The following SLC24A2 variants were observed in gnomAD, a reference collection of about 807,000 sequenced individuals.
The protein encoded by SLC24A2 is solute carrier family 24 member 2.
A neutral mutation model predicts 62.0 loss-of-function variants in SLC24A2; 36 were observed. The ratio of observed to expected loss-of-function variants is 0.58; its 90% CI spans 0.44 to 0.77. The LOEUF is 0.77. Among genes scored for constraint, SLC24A2 ranks in the 30% least tolerant of loss-of-function variants. The pLI, the probability that SLC24A2 is intolerant of heterozygous loss-of-function variation, is 0.00. For missense variants in SLC24A2, 846 were observed against 817.9 expected (o/e 1.03, Z -0.42); for synonymous variants, 358 against 294.0 (o/e 1.22, Z -2.23).
chr9:20,227,110 C>T, the SLC24A2 span, among the ~76,000 whole-genome samples: 222 of 152,194 alleles, frequency 1.5e-3, 8 homozygotes, highest in East Asian at 0.041. Flanking sequence ...TTTATGCTCT[C>T]GTTGGCTCTG....
intron 2 of SLC24A2, among the ~76,000 whole-genome samples, chr9:19,709,723 G>A (rs1325847020): frequency 1.1e-4 from 15 of 141,936 alleles, no homozygotes; most frequent in African/African-American, 3.7e-4. Flanking sequence ...GACACAGGAA[G>A]GGGAAATCAC....
At chr9:19,532,446 A>T (rs1833755018) in intron 8 of SLC24A2, among the ~76,000 whole-genome samples, 1 of 152,160 alleles carries the variant, frequency 6.6e-6, no homozygotes, top group South Asian at 2.1e-4. Flanking sequence ...ATAGAATGTA[A>T]ATGCTATGTA....
At chr9:19,873,749 C>A in the SLC24A2 span, among the ~76,000 whole-genome samples, 2 of 152,076 alleles carry the variant, frequency 1.3e-5, no homozygotes, top group African/African-American at 2.4e-5. Context: ...TTGGAGCCTA[C>A]CCATAGTAAT....
intron 2 of SLC24A2, among the ~76,000 whole-genome samples, chr9:19,685,054 C>A (rs1316413850): frequency 6.6e-6 from 1 of 152,036 alleles, no homozygotes; most frequent in Admixed American, 6.6e-5. Context: ...ATAAGTACTG[C>A]ATGCTAACTG....
chr9:19,533,945 C>A (rs1282069320), intron 8 of SLC24A2, among the ~76,000 whole-genome samples: 1 of 152,184 alleles, frequency 6.6e-6, no homozygotes, highest in Admixed American at 6.5e-5. Context: ...AACCAATATG[C>A]TTTGTGAATA....
chr9:19,827,500 G>GTA, the SLC24A2 span, among the ~76,000 whole-genome samples: 50 of 150,890 alleles, frequency 3.3e-4, no homozygotes, highest in African/African-American at 8.0e-4. Context: ...ATTTAAAAAT[G>GTA]TATATATATA....
chr9:20,083,464 T>C, the SLC24A2 span, among the ~76,000 whole-genome samples: 1 of 152,084 alleles, frequency 6.6e-6, no homozygotes, highest in East Asian at 1.9e-4. Context: ...TGGCTGGGGG[T>C]CAAAGTTGGA....
At chr9:19,630,231 C>G (rs943053850) in intron 2 of SLC24A2, among the ~76,000 whole-genome samples, 1 of 151,962 alleles carries the variant, frequency 6.6e-6, no homozygotes, top group East Asian at 1.9e-4. Context: ...GAGAAGCTGG[C>G]AAAGACTATA....
At chr9:19,903,095 C>G in the SLC24A2 span, among the ~76,000 whole-genome samples, 1 of 150,808 alleles carries the variant, frequency 6.6e-6, no homozygotes, top group Non-Finnish European at 1.5e-5. Context: ...ATTATCAGAT[C>G]GAGTGCCAGA....
chr9:20,291,318 T>C, the SLC24A2 span, among the ~76,000 whole-genome samples: 1 of 152,000 alleles, frequency 6.6e-6, no homozygotes, highest in African/African-American at 2.4e-5. Context: ...AAGAAAGGCT[T>C]GCAGAGAGAG....
At chr9:19,797,211 T>C in the SLC24A2 span, among the ~76,000 whole-genome samples, 1 of 152,204 alleles carries the variant, frequency 6.6e-6, no homozygotes, top group Non-Finnish European at 1.5e-5. Flanking sequence ...TAAACTTTAT[T>C]TGGTTTGTTC....
chr9:19,765,471 A>G (rs1166967251), intron 2 of SLC24A2, among the ~76,000 whole-genome samples: 2 of 152,008 alleles, frequency 1.3e-5, no homozygotes, highest in African/African-American at 4.8e-5. Flanking sequence ...TTCCTTCAGG[A>G]GCTCTTGTAA....
intron 2 of SLC24A2, among the ~76,000 whole-genome samples, chr9:19,768,276 A>G (rs1822580354): frequency 1.3e-5 from 2 of 152,100 alleles, no homozygotes; most frequent in Admixed American, 1.3e-4. Flanking sequence ...AAATACCTCT[A>G]ATTCACATTC....
intron 2 of SLC24A2, among the ~76,000 whole-genome samples, chr9:19,766,856 A>G (rs1336453695): frequency 6.6e-6 from 1 of 152,186 alleles, no homozygotes; most frequent in East Asian, 1.9e-4. Context: ...CAGAGCCGGC[A>G]GGCAGGGACG....
chr9:20,120,464 A>C, the SLC24A2 span, among the ~76,000 whole-genome samples: 11 of 152,320 alleles, frequency 7.2e-5, no homozygotes, highest in Non-Finnish European at 1.3e-4. Flanking sequence ...CAGAAAATCA[A>C]ATACCACTTG....
the SLC24A2 span, among the ~76,000 whole-genome samples, chr9:20,000,058 C>G: frequency 2.0e-5 from 3 of 152,156 alleles, no homozygotes; most frequent in African/African-American, 7.2e-5. Context: ...ACCTGTGCTG[C>G]TGCTCACTTT....
chr9:19,819,314 C>T, the SLC24A2 span, among the ~76,000 whole-genome samples: 2 of 152,002 alleles, frequency 1.3e-5, no homozygotes, highest in African/African-American at 4.8e-5. Context: ...CCAAGAACCC[C>T]AAAGCAAATG....
chr9:20,246,460 G>C, the SLC24A2 span, among the ~76,000 whole-genome samples: 1 of 152,172 alleles, frequency 6.6e-6, no homozygotes, highest in African/African-American at 2.4e-5. Flanking sequence ...CTATAAACAT[G>C]CAAACATTCA....
chr9:19,542,966 G>A (rs1398283904), intron 8 of SLC24A2, among the ~76,000 whole-genome samples: 1 of 152,290 alleles, frequency 6.6e-6, no homozygotes, highest in South Asian at 2.1e-4. Flanking sequence ...GAGTTAGGGA[G>A]GATCCCCTCT....
Sources: allele counts gnomAD v4.1 joint callset (sites outside exome capture counted in the v4.1 genomes callset), GRCh38; gene constraint gnomAD v4.1.1; transcripts MANE v1.5; gene names NCBI Gene and HGNC (gene_info 2026-07-23, HGNC 2026-07-21).